CCDC120: variants seen among roughly 807,000 people sequenced by gnomAD.
CCDC120 encodes the protein coiled-coil domain-containing protein 120.
Under a neutral mutation model 37.6 loss-of-function variants are expected in CCDC120, and 16 were observed. That is an observed-to-expected ratio of 0.43 (90% CI 0.29 to 0.65). The LOEUF is 0.65. Among genes scored for constraint, CCDC120 ranks in the 30% least tolerant of loss-of-function variants. The pLI, the probability that CCDC120 is intolerant of heterozygous loss-of-function variation, is 0.18. For missense variants in CCDC120, 650 were observed against 657.4 expected, an observed-to-expected ratio of 0.99 and a Z score of 0.12; for synonymous variants, 309 against 275.4, an observed-to-expected ratio of 1.12 and a Z score of -1.21.
intron 10 of CCDC120, 96 bp from the exon 11 acceptor site, chrX:49,068,448 G>A (rs1476528914): frequency 8.6e-6 from 9 of 1,043,159 alleles, no homozygotes; most frequent in African/African-American, 2.0e-5. Context: ...CCTCTTTAAC[G>A]AGCCTCTTTT....
chrX:49,061,494 C>T (rs1171197478), intron 1 of CCDC120, among the ~76,000 whole-genome samples: 1 of 112,747 alleles, frequency 8.9e-6, no homozygotes, highest in Non-Finnish European at 1.9e-5. Flanking sequence ...GTTTCCTGTC[C>T]TCGTCGATGT....
intron 9 of CCDC120, among the ~76,000 whole-genome samples, chrX:49,066,155 G>A (rs1266065743): frequency 9.0e-6 from 1 of 111,295 alleles, no homozygotes; most frequent in Non-Finnish European, 1.9e-5. Flanking sequence ...CCCGGGAGGC[G>A]GAGGTTGCAG....
At chrX:49,068,116 G>C in intron 10 of CCDC120, 26 bp downstream of exon 10, 2 of 1,155,269 alleles carry the variant, frequency 1.7e-6, no homozygotes, top group Non-Finnish European at 2.3e-6. Context: ...TTACTGATGG[G>C]TAGGGGTCTC....
At chrX:49,060,427 C>CAAAAAAAAAAAAAAAAAAAA (rs58827125) in intron 1 of CCDC120, among the ~76,000 whole-genome samples, 11 of 42,124 alleles carry the variant, frequency 2.6e-4, no homozygotes, top group East Asian at 3.4e-3. Flanking sequence ...GCCCTATCTC[C>CAAAAAAAAAAAAAAAAAAAA]AAAAAAAAAA....
At chrX:49,053,664 G>A (rs1442049734) in exon 1 of CCDC120, 4 of 112,955 alleles carry the variant, frequency 3.5e-5, no homozygotes, top group African/African-American at 9.6e-5. Flanking sequence ...CATCGCCCGC[G>A]GCCGGGCCGG....
At chrX:49,069,855 C>G (rs1557082734), downstream of CCDC120, 2 of 111,934 alleles carry the variant, frequency 1.8e-5, no homozygotes, top group African/African-American at 3.3e-5. Flanking sequence ...GTAAACTGAA[C>G]CCATGTGTTG....
At chrX:49,059,470 C>T in intron 1 of CCDC120, 1 of 387,862 alleles carries the variant, frequency 2.6e-6, no homozygotes, top group Non-Finnish European at 3.3e-6. Flanking sequence ...CAAGAAAGAC[C>T]AGACTGGGCT....
In CCDC120 at chrX:49,067,971, G is replaced by T. The variant is rs782744457; in HGVS notation, c.1857G>T (p.Pro619=). The T allele has an allele frequency of 1.8e-6, 2 of 1,127,954 alleles. No homozygotes were observed. The highest frequency in any genetic ancestry group is 1.8e-5 in the African/African-American group (1 of 54,502). 93.0% of individuals were successfully genotyped at this position (1,127,954 alleles called of 1,213,427 possible). A position where few individuals can be genotyped will look rare whatever the true frequency, so the allele number is the denominator to read the frequency against. Residue 619 remains proline (P), a synonymous_variant, in exon 10 of 11, where the codon CCG becomes CCT. Coordinates refer to ENST00000603986, the MANE Select transcript of CCDC120 (RefSeq NM_001163321.4). ...QRRPVLPSVG[P]PHPPFLHARC... is the part of the protein sequence containing the mutation. The stretch of plus-strand genomic sequence containing the variant: ...GGCCTGTGCTCCCTTCCGTGGGCCC[G>T]CCACACCCACCCTTCCTCCATGCCC...
intron 6 of CCDC120, 114 bp from the exon 7 acceptor site, chrX:49,064,921 AT>A: frequency 3.7e-6 from 3 of 808,820 alleles, no homozygotes; most frequent in Non-Finnish European, 5.4e-6. Flanking sequence ...CAGGAACAGG[AT>A]GAGGCGGAAA....
chrX:49,059,202 G>T, intron 1 of CCDC120, 107 bp downstream of exon 1: 1 of 203,694 alleles, frequency 4.9e-6, no homozygotes, highest in East Asian at 2.5e-4. Context: ...AGGTCTGTGG[G>T]AGAGGCACAC....
At chrX:49,058,723 A>G (rs1323007329), upstream of CCDC120, among the ~76,000 whole-genome samples, 1 of 112,502 alleles carries the variant, frequency 8.9e-6, no homozygotes, top group Non-Finnish European at 1.9e-5. Context: ...GGGTCTCATT[A>G]TGTTGCACAG....
rs1557082006 is a variant in CCDC120 at position 49,067,907 on chromosome X, A to T, written c.1793A>T (p.Tyr598Phe). ...NLALEGLRDW[Y>F]IRNSGLAAGP... ...GCTCTGGAGGGGCTGCGGGACTGGT[A>T]CATCCGGAACTCGGGACTGGCTGCG... Residue 598 changes from tyrosine (Y) to phenylalanine (F), a missense_variant, in exon 10 of 11, where the codon TAC becomes TTC. Tyr to Phe is a conservative substitution (Grantham distance 22, BLOSUM62 3). Transcript: ENST00000603986. 8.6e-7 allele frequency: 1 copy of T among 1,160,240 alleles called. No homozygotes were observed. Among genetic ancestry groups the T allele is most frequent in the Non-Finnish European group, 1.2e-6 (1 of 867,006 alleles).
intron 1 of CCDC120, among the ~76,000 whole-genome samples, chrX:49,060,535 C>A (rs1399524162): frequency 9.4e-6 from 1 of 106,328 alleles, no homozygotes; most frequent in African/African-American, 3.5e-5. Context: ...GAGTTGGGTT[C>A]CTGTGGGGGT....
Position 49,067,983 on chromosome X carries a change from C to T in CCDC120, c.1869C>T (p.Pro623=), listed in dbSNP as rs1557082092. 8.6e-7 allele frequency: 1 copy of T among 1,161,031 alleles called. No homozygotes were observed. Among genetic ancestry groups the T allele is most frequent in the Non-Finnish European group, 1.2e-6 (1 of 868,197 alleles). The change falls in exon 10 of 11, where the codon CCC becomes CCT. Residue 623 remains proline (P), a synonymous_variant. Transcript: ENST00000603986. The part of the protein sequence containing the change: ...VLPSVGPPHP[P]FLHARCYEVG... ...CTTCCGTGGGCCCGCCACACCCACC[C>T]TTCCTCCATGCCCGCTGCTATGAGG... is the stretch of plus-strand genomic sequence containing the variant.
intron 1 of CCDC120, among the ~76,000 whole-genome samples, chrX:49,060,601 G>A (rs1438766893): frequency 9.1e-6 from 1 of 110,185 alleles, no homozygotes; most frequent in Non-Finnish European, 1.9e-5. Flanking sequence ...TGGGGGCTGG[G>A]AAAGTTGGAG....
chrX:49,068,490 C>T, intron 10 of CCDC120, 54 bp from the exon 11 acceptor site: 1 of 1,051,803 alleles, frequency 9.5e-7, no homozygotes, highest in Non-Finnish European at 1.2e-6. Flanking sequence ...TCTGTCTTTT[C>T]TTCTTCTTGT....
At position 49,068,127 on chromosome X, in the gene CCDC120, G is replaced by A. The variant is rs782420925; in HGVS notation, c.1976+37G>A. The A allele has an allele frequency of 1.1e-5, 13 of 1,145,722 alleles. No homozygotes were observed. In the South Asian group the frequency reaches 1.8e-4, roughly 16 times the overall value. 94.4% of individuals were successfully genotyped at this position (1,145,722 alleles called of 1,213,427 possible). A position where few individuals can be genotyped will look rare whatever the true frequency, so the allele number is the denominator to read the frequency against. Reference sequence around the variant, plus strand: ...GCTTTTACTGATGGGTAGGGGTCTCGTAAGGCAGATGGCGAAGATATCCAG... The same window carrying A: ...GCTTTTACTGATGGGTAGGGGTCTCATAAGGCAGATGGCGAAGATATCCAG... On this transcript the variant is annotated intron_variant, in intron 10 of 10. Coordinates refer to ENST00000603986, the MANE Select transcript of CCDC120 (RefSeq NM_001163321.4).
rs782512531 is a variant in CCDC120, at chrX:49,067,333, G to C, written c.1219G>C (p.Gly407Arg). 3 of 1,206,402 alleles carry C rather than the reference G, an allele frequency of 2.5e-6. No individual in the cohort carries two copies. Among genetic ancestry groups the C allele is most frequent in the East Asian group, 3.0e-5 (1 of 33,580 alleles). The change falls in exon 10 of 11, where the codon GGG becomes CGG. Residue 407 changes from glycine (G) to arginine (R), a missense_variant. Around this residue, in one of 3 missense-constraint regions of CCDC120, gnomAD observed 576 missense variants for 565.3 expected, o/e 1.02. Coordinates refer to ENST00000603986, the MANE Select transcript of CCDC120 (RefSeq NM_001163321.4). ...CCTGCTGGTGGACCGGGCCGCTGGT[G>C]GGGGAGCTGGCTCCCCGCCTGCCCC... ...EALLVDRAAG[G>R]GAGSPPAPLA...
chrX:49,065,204 C>T (rs1317750575), intron 7 of CCDC120, 106 bp downstream of exon 7: 8 of 826,954 alleles, frequency 9.7e-6, no homozygotes, highest in Non-Finnish European at 1.2e-5. Flanking sequence ...TCCTTTGATG[C>T]CCAGCCCCTC....
Sources: gnomAD v4.1 joint callset for allele counts (sites outside exome capture counted in the v4.1 genomes callset) on GRCh38, gnomAD v4.1.1 for gene constraint, gnomAD v4.1.1 regional missense constraint, MANE v1.5 for transcripts, NCBI Gene and HGNC (gene_info 2026-07-23, HGNC 2026-07-21) for gene names.